The following DCDC1 variants were observed in gnomAD, a reference collection of about 807,000 sequenced individuals.
DCDC1 encodes doublecortin domain-containing protein 1.
A neutral mutation model predicts 178.3 loss-of-function variants in DCDC1; 200 were observed. The observed-to-expected ratio is 1.12, with a 90% CI of 1.00 to 1.26. The LOEUF (loss-of-function observed/expected upper bound fraction) is 1.26. Ranked by LOEUF, DCDC1 falls within the 50% of genes most tolerant of loss-of-function variation. The pLI is 0.00. For synonymous variants in DCDC1, 690 were observed against 604.8 expected, an observed-to-expected ratio of 1.14 and a Z score of -2.07; for missense variants, 1,983 against 1,749.2, an observed-to-expected ratio of 1.13 and a Z score of -2.38.
At chr11:31,019,608 A>G (rs1952733459) in intron 20 of DCDC1, among the ~76,000 whole-genome samples, 1 of 152,192 alleles carries the variant, frequency 6.6e-6, no homozygotes, top group Admixed American at 6.5e-5. Context: ...CTCACATGAT[A>G]GAATAGCATA....
At chr11:31,202,643 G>A (rs1239224419) in intron 9 of DCDC1, among the ~76,000 whole-genome samples, 2 of 152,026 alleles carry the variant, frequency 1.3e-5, no homozygotes, top group Non-Finnish European at 2.9e-5. Flanking sequence ...ATAACAGTAA[G>A]ATAAAATCAA....
At chr11:31,284,019 G>A (rs927561923) in intron 7 of DCDC1, among the ~76,000 whole-genome samples, 1 of 150,422 alleles carries the variant, frequency 6.6e-6, no homozygotes, top group Non-Finnish European at 1.5e-5. Flanking sequence ...TTGCCTCCAG[G>A]TACAAAGACA....
intron 9 of DCDC1, among the ~76,000 whole-genome samples, chr11:31,208,152 T>C (rs1972085153): frequency 6.6e-6 from 1 of 152,206 alleles, no homozygotes; most frequent in Non-Finnish European, 1.5e-5. Context: ...TAGTTATATA[T>C]TAAACTTGTA....
intron 8 of DCDC1, chr11:31,262,924 G>A: frequency 2.2e-6 from 2 of 911,980 alleles, no homozygotes; most frequent in Admixed American, 2.6e-5. Context: ...AATTTCAGCT[G>A]GCATAAGCTT....
rs75415946 is a variant in DCDC1 at position 30,911,029 on chromosome 11, A to G, written c.3747+298T>C. The stretch of plus-strand genomic sequence containing the variant: ...TGCCTGCAGCCACCACTGAGACCAT[A>G]AGCTTGATGAATGCTGTTGGGACAA... On this transcript the variant is annotated intron_variant, in intron 28 of 38. Coordinates refer to ENST00000684477, the MANE Select transcript of DCDC1 (RefSeq NM_001387274.1). Among the ~76,000 whole-genome samples the G allele has an allele frequency of 7.6e-3, 1,162 of 152,218 alleles. 11 individuals are homozygous for G. The highest frequency in any genetic ancestry group is 0.013 in the Non-Finnish European group (901 of 68,010).
chr11:31,323,842 A>T (rs1949505637), intron 3 of DCDC1, among the ~76,000 whole-genome samples: 1 of 152,142 alleles, frequency 6.6e-6, no homozygotes, highest in Admixed American at 6.5e-5. Flanking sequence ...ACAAAGCACA[A>T]AGTTTTTATT....
At chr11:31,202,557 C>T (rs964270785) in intron 9 of DCDC1, among the ~76,000 whole-genome samples, 1 of 152,074 alleles carries the variant, frequency 6.6e-6, no homozygotes, top group Non-Finnish European at 1.5e-5. Flanking sequence ...GGCATCAAAG[C>T]GAGACCCTGT....
intron 11 of DCDC1, among the ~76,000 whole-genome samples, chr11:31,121,679 C>T (rs1960828512): frequency 6.6e-6 from 1 of 151,678 alleles, no homozygotes; most frequent in Non-Finnish European, 1.5e-5. Context: ...CTGCCTCCAG[C>T]CCCTGGTTGA....
intron 17 of DCDC1, among the ~76,000 whole-genome samples, chr11:31,082,972 A>T (rs1335437734): frequency 1.3e-5 from 2 of 152,358 alleles, no homozygotes; most frequent in East Asian, 3.9e-4. Flanking sequence ...ACACATGGAC[A>T]ACTTTCTATT....
intron 7 of DCDC1, among the ~76,000 whole-genome samples, chr11:31,279,292 T>C (rs1346586006): frequency 6.6e-6 from 1 of 151,780 alleles, no homozygotes; most frequent in Non-Finnish European, 1.5e-5. Flanking sequence ...TCCTTTTAAG[T>C]TGGCAAAAGC....
At chr11:30,940,456 ATGGGCCAGG>A (rs1947562810) in intron 21 of DCDC1, among the ~76,000 whole-genome samples, 1 of 151,968 alleles carries the variant, frequency 6.6e-6, no homozygotes, top group Non-Finnish European at 1.5e-5. Flanking sequence ...CCTAATTTTA[ATGGGCCAGG>A]GAAATAGATC....
intron 20 of DCDC1, among the ~76,000 whole-genome samples, chr11:30,983,907 G>T (rs759546836): frequency 5.3e-5 from 8 of 152,090 alleles, no homozygotes; most frequent in Non-Finnish European, 7.4e-5. Flanking sequence ...TATCTAAATG[G>T]GCGATATAAT....
intron 2 of DCDC1, among the ~76,000 whole-genome samples, chr11:31,329,334 T>C (rs952259233): frequency 1.3e-5 from 2 of 152,184 alleles, no homozygotes; most frequent in Admixed American, 1.3e-4. Flanking sequence ...TTTAGTTTCC[T>C]ACGTACATAA....
intron 9 of DCDC1, among the ~76,000 whole-genome samples, chr11:31,139,302 T>G (rs1963539421): frequency 6.6e-6 from 1 of 152,148 alleles, no homozygotes; most frequent in Non-Finnish European, 1.5e-5. Context: ...TGAGAATCAG[T>G]GATAAAGAGT....
At position 30,911,469 on chromosome 11, in the gene DCDC1, G is replaced by A. The variant is rs1321495227; in HGVS notation, c.3654-49C>T. The stretch of plus-strand genomic sequence containing the variant: ...ATTACAAAGTAGCATGACCAGATTA[G>A]ATCTCCCTCTGTGCCACTTAGCACT... On this transcript the variant is annotated intron_variant, in intron 27 of 38. Transcript: ENST00000684477. 4 of 1,432,862 alleles carry A rather than the reference G, an allele frequency of 2.8e-6. No homozygotes were observed. The South Asian group carries it at 4.9e-5, about 18-fold the overall frequency. The allele number at this position is 1,432,862 out of a possible 1,614,324, so 88.8% of individuals were successfully genotyped here.
intron 25 of DCDC1, among the ~76,000 whole-genome samples, chr11:30,918,146 T>C (rs1283754788): frequency 6.6e-6 from 1 of 152,168 alleles, no homozygotes; most frequent in Non-Finnish European, 1.5e-5. Flanking sequence ...AAGTCATTCT[T>C]AGTTTTAACA....
intron 38 of DCDC1, among the ~76,000 whole-genome samples, chr11:30,871,734 G>C (rs1296726264): frequency 1.3e-5 from 2 of 151,838 alleles, no homozygotes; most frequent in Non-Finnish European, 2.9e-5. Context: ...CACTTGTTTC[G>C]CCTTCCAATA....
chr11:31,225,864 A>G (rs1974884069), intron 9 of DCDC1, among the ~76,000 whole-genome samples: 1 of 151,900 alleles, frequency 6.6e-6, no homozygotes, highest in Non-Finnish European at 1.5e-5. Flanking sequence ...TTATTTTGAA[A>G]TAAGGAAAAC....
At chr11:30,924,905 C>T (rs1176807448) in intron 23 of DCDC1, among the ~76,000 whole-genome samples, 1 of 151,928 alleles carries the variant, frequency 6.6e-6, no homozygotes, top group Non-Finnish European at 1.5e-5. Context: ...AAATCCATCT[C>T]TACCGAAAAT....
Sources: gnomAD v4.1 joint callset for allele counts (sites outside exome capture counted in the v4.1 genomes callset) on GRCh38, gnomAD v4.1.1 for gene constraint, MANE v1.5 for transcripts, NCBI Gene and HGNC (gene_info 2026-07-23, HGNC 2026-07-21) for gene names.